Variants in SRRM4 observed in about 807,000 individuals in gnomAD.
SRRM4 encodes the protein serine/arginine repetitive matrix protein 4.
Under a neutral mutation model 68.9 loss-of-function variants are expected in SRRM4, and 33 were observed. The ratio of observed to expected loss-of-function variants is 0.48; its 90% CI spans 0.36 to 0.64. The LOEUF is 0.64. SRRM4 is among the 30% of genes least tolerant of loss of function. SRRM4 has a pLI of 0.00. For missense variants in SRRM4, 817 were observed against 827.1 expected (o/e 0.99, Z 0.15); for synonymous variants, 318 against 318.8 (o/e 1.00, Z 0.03).
intron 8 of SRRM4, among the ~76,000 whole-genome samples, chr12:119,133,398 T>C (rs1385006203): frequency 6.6e-6 from 1 of 152,126 alleles, no homozygotes; most frequent in African/African-American, 2.4e-5. Flanking sequence ...GTCATAGTAA[T>C]AGTAGTATTG....
Position 119,125,369 on chromosome 12 carries a change from C to A in SRRM4, c.516-12C>A, listed in dbSNP as rs766204943. On this transcript the variant is annotated splice_polypyrimidine_tract_variant and intron_variant, in intron 6 of 12. Coordinates refer to ENST00000267260, the MANE Select transcript of SRRM4 (RefSeq NM_194286.4). Reference sequence around the variant, plus strand: ...TCCTCTCCTCTGACTCGTTCCTTCTCATCCCCCCAAGATCTCGAAGCCGGC... The same window carrying A: ...TCCTCTCCTCTGACTCGTTCCTTCTAATCCCCCCAAGATCTCGAAGCCGGC... The A allele has an allele frequency of 6.2e-7, 1 of 1,610,224 alleles. No homozygotes were observed. Among genetic ancestry groups the A allele is most frequent in the Non-Finnish European group, 8.5e-7 (1 of 1,177,410 alleles).
chr12:119,046,439 G>A (rs1433517353), intron 1 of SRRM4, among the ~76,000 whole-genome samples: 1 of 152,206 alleles, frequency 6.6e-6, no homozygotes, highest in Non-Finnish European at 1.5e-5. Context: ...ATTTTGGGTT[G>A]TTAGTGGGCC....
Position 118,981,583 on chromosome 12 carries a change from G to C in SRRM4, c.-300G>C. 2.9e-6 allele frequency: 1 copy of C among 340,210 alleles called. No individual in the cohort carries two copies. Among genetic ancestry groups the C allele is most frequent in the South Asian group, 6.0e-5 (1 of 16,662 alleles). 21.1% of individuals were successfully genotyped at this position (340,210 alleles called of 1,614,324 possible). The stretch of plus-strand genomic sequence containing the variant: ...CGACCCCGTCGCCTCTTCTCTCCTG[G>C]TGCTGCCCAGAAAGCCAGCCCTCCC... On this transcript the variant is annotated 5_prime_UTR_variant, in exon 1 of 13. Transcript: ENST00000267260.
chr12:119,110,589 G>A (rs1373227201), intron 2 of SRRM4, among the ~76,000 whole-genome samples: 1 of 152,240 alleles, frequency 6.6e-6, no homozygotes, highest in Non-Finnish European at 1.5e-5. Context: ...TGTGCTTGCA[G>A]TGAGTGAGGC....
chr12:119,065,560 C>T (rs1235144106), intron 1 of SRRM4, among the ~76,000 whole-genome samples: 2 of 152,086 alleles, frequency 1.3e-5, no homozygotes, highest in Admixed American at 6.6e-5. Context: ...CATAGTGAAA[C>T]CCCGTCTCTA....
intron 9 of SRRM4, among the ~76,000 whole-genome samples, chr12:119,147,211 A>T (rs555200792): frequency 1.3e-5 from 2 of 152,356 alleles, no homozygotes; most frequent in Admixed American, 1.3e-4. Flanking sequence ...AGCCAATGTG[A>T]AAAGGTCACA....
chr12:119,059,895 G>A (rs775974942), intron 1 of SRRM4, among the ~76,000 whole-genome samples: 24 of 152,212 alleles, frequency 1.6e-4, no homozygotes, highest in Non-Finnish European at 3.1e-4. Context: ...GGAAAGGAGA[G>A]AGGGTGCAGA....
chr12:119,136,405 G>A (rs4767788), intron 8 of SRRM4, among the ~76,000 whole-genome samples: 72,376 of 152,046 alleles, frequency 0.48, 17,717 homozygotes, highest in African/African-American at 0.58. Flanking sequence ...TTGAGAGAAG[G>A]GAGGAACCAA....
chr12:119,041,879 A>G (rs1462712888), intron 1 of SRRM4, among the ~76,000 whole-genome samples: 2 of 152,168 alleles, frequency 1.3e-5, no homozygotes, highest in Non-Finnish European at 2.9e-5. Flanking sequence ...ACAAATAGCA[A>G]TCCGAGCTCA....
intron 1 of SRRM4, among the ~76,000 whole-genome samples, chr12:119,041,477 A>G (rs1040216707): frequency 6.6e-6 from 1 of 152,238 alleles, no homozygotes; most frequent in Non-Finnish European, 1.5e-5. Context: ...CATAACTTGC[A>G]TAATATCAAT....
chr12:119,017,939 G>A (rs1277068502), intron 1 of SRRM4, among the ~76,000 whole-genome samples: 1 of 152,176 alleles, frequency 6.6e-6, no homozygotes, highest in Non-Finnish European at 1.5e-5. Flanking sequence ...GACTTGGGCA[G>A]GTTAGTTAAC....
chr12:119,092,428 C>A (rs1441952504), intron 1 of SRRM4, among the ~76,000 whole-genome samples: 1 of 145,794 alleles, frequency 6.9e-6, no homozygotes, highest in Non-Finnish European at 1.5e-5. Context: ...AAAAACTGAG[C>A]TTTAGAAGAC....
At chr12:119,024,168 T>C (rs1953533172) in intron 1 of SRRM4, among the ~76,000 whole-genome samples, 1 of 152,184 alleles carries the variant, frequency 6.6e-6, no homozygotes, top group African/African-American at 2.4e-5. Context: ...TCCTGGCCCA[T>C]CATGGGGGCT....
chr12:118,989,489 T>C (rs1953302513), intron 1 of SRRM4, among the ~76,000 whole-genome samples: 1 of 152,110 alleles, frequency 6.6e-6, no homozygotes, highest in Non-Finnish European at 1.5e-5. Context: ...AGCTACAGTC[T>C]GCTCTTTCTG....
intron 1 of SRRM4, among the ~76,000 whole-genome samples, chr12:119,091,946 T>C (rs1954016827): frequency 6.6e-6 from 1 of 152,200 alleles, no homozygotes; most frequent in Non-Finnish European, 1.5e-5. Context: ...TTGGATCATC[T>C]TGAAACAACC....
intron 4 of SRRM4, among the ~76,000 whole-genome samples, chr12:119,117,333 GT>G: frequency 6.6e-6 from 1 of 152,244 alleles, no homozygotes; most frequent in East Asian, 1.9e-4. Flanking sequence ...CTGTCTCCTG[GT>G]CCCCATGAGG....
At chr12:119,112,253 C>T (rs897761588) in intron 2 of SRRM4, among the ~76,000 whole-genome samples, 1 of 152,088 alleles carries the variant, frequency 6.6e-6, no homozygotes, top group South Asian at 2.1e-4. Context: ...CAATGAGATG[C>T]CATCTCACGC....
At chr12:119,085,567 G>A (rs1051913726) in intron 1 of SRRM4, among the ~76,000 whole-genome samples, 1 of 152,242 alleles carries the variant, frequency 6.6e-6, no homozygotes, top group Non-Finnish European at 1.5e-5. Flanking sequence ...CAAACCTAGA[G>A]AAGTAGGTGA....
chr12:119,124,531 A>C (rs1954244957), intron 6 of SRRM4, among the ~76,000 whole-genome samples: 1 of 152,250 alleles, frequency 6.6e-6, no homozygotes, highest in African/African-American at 2.4e-5. Flanking sequence ...CGTTTGGCCC[A>C]AACCATTGAC....
Sources: allele counts gnomAD v4.1 joint callset (sites outside exome capture counted in the v4.1 genomes callset), GRCh38; gene constraint gnomAD v4.1.1; transcripts MANE v1.5; gene names NCBI Gene and HGNC (gene_info 2026-07-23, HGNC 2026-07-21).